RAB30: variants seen among roughly 807,000 people sequenced by gnomAD.
RAB30 encodes ras-related protein Rab-30.
A neutral mutation model predicts 25.1 loss-of-function variants in RAB30; 9 were observed. The observed-to-expected ratio is 0.36, with a 90% CI of 0.22 to 0.63. The LOEUF (loss-of-function observed/expected upper bound fraction) is 0.63, where lower values mean the gene tolerates loss of function less well. Ranked by LOEUF, RAB30 falls within the 20% of genes least tolerant of loss-of-function variation. The probability of loss-of-function intolerance (pLI) is 0.69; values close to 1 mark genes in which losing one functional copy is unlikely to be tolerated. For synonymous variants in RAB30, 77 were observed against 86.4 expected (o/e 0.89, Z 0.60); for missense variants, 140 against 243.5 (o/e 0.58, Z 2.83).
Position 82,976,253 on chromosome 11 carries a change from CTTAA to C in RAB30, c.*5908_*5911del, listed in dbSNP as rs1856544232. The C allele has an allele frequency of 6.6e-6, 1 of 152,216 alleles. No homozygotes were observed. Among genetic ancestry groups the C allele is most frequent in the African/African-American group, 2.4e-5 (1 of 41,464 alleles). 9.4% of individuals were successfully genotyped at this position (152,216 alleles called of 1,614,324 possible). On this transcript the variant is annotated 3_prime_UTR_variant, in exon 5 of 5. Transcript: ENST00000527633. ...GGCATCAGACCATTCAAAGTCTGCT[CTTAA>C]TTAAAGTGAAAAAGAACTAATATTT...
rs1056316235 is a variant in RAB30, at chr11:82,978,342, A to G, written c.*3823T>C. 3 of 152,332 alleles carry G rather than the reference A, an allele frequency of 2.0e-5. No homozygotes were observed. Among genetic ancestry groups the G allele is most frequent in the Admixed American group, 2.0e-4 (3 of 15,294 alleles). The allele number at this position is 152,332 out of a possible 1,614,324, so 9.4% of individuals were successfully genotyped here. A position where few individuals can be genotyped will look rare whatever the true frequency, so the allele number is the denominator to read the frequency against. On this transcript the variant is annotated 3_prime_UTR_variant, in exon 5 of 5. Coordinates refer to ENST00000527633, the MANE Select transcript of RAB30 (RefSeq NM_001286060.2). Reference sequence around the variant, plus strand: ...TCTACAAGATTAAGAAATAAAAAAGACATTAGATTTTTGCCCTAAATGACA... The same window carrying G: ...TCTACAAGATTAAGAAATAAAAAAGGCATTAGATTTTTGCCCTAAATGACA...
chr11:83,020,197 G>A (rs1037275511), intron 1 of RAB30, among the ~76,000 whole-genome samples: 1 of 152,236 alleles, frequency 6.6e-6, no homozygotes, highest in Non-Finnish European at 1.5e-5. Flanking sequence ...AACCACGGCT[G>A]CAGACCCAGG....
In RAB30 at chr11:83,054,976, A is replaced by T. The variant is rs1313161298; in HGVS notation, c.-9+16715T>A. 2.0e-5 allele frequency among the ~76,000 whole-genome samples: 3 copies of T among 152,370 alleles called. No homozygotes were observed. In the East Asian group the frequency reaches 5.8e-4, roughly 29 times the overall value. On this transcript the variant is annotated intron_variant, in intron 1 of 4. Transcript: ENST00000527633. ...GGCGGCCAGGTGCCATTTTGACTGT[A>T]GTTCAAAAGCAGACATCACCTGGCA...
At chr11:83,051,974 A>C (rs1286054532) in intron 1 of RAB30, among the ~76,000 whole-genome samples, 1 of 152,226 alleles carries the variant, frequency 6.6e-6, no homozygotes, top group Non-Finnish European at 1.5e-5. Flanking sequence ...AATATTCAAC[A>C]ATCACCAAAG....
chr11:83,008,025 G>A (rs1857222785), intron 1 of RAB30, among the ~76,000 whole-genome samples: 1 of 152,200 alleles, frequency 6.6e-6, no homozygotes, highest in Non-Finnish European at 1.5e-5. Flanking sequence ...CTTCCCCCTT[G>A]TATTCTCTAA....
chr11:83,057,710 T>C (rs190839229), intron 1 of RAB30, among the ~76,000 whole-genome samples: 5 of 152,316 alleles, frequency 3.3e-5, no homozygotes, highest in Admixed American at 3.3e-4. Context: ...TTTAACACTA[T>C]ACTGAGATGA....
chr11:82,994,289 T>C (rs1856915316), intron 2 of RAB30, among the ~76,000 whole-genome samples, 167 bp from the exon 3 acceptor site: 1 of 151,974 alleles, frequency 6.6e-6, no homozygotes. Flanking sequence ...CAACTCTGTA[T>C]GTATGTCTTG....
intron 1 of RAB30, among the ~76,000 whole-genome samples, chr11:82,998,969 G>A (rs1268110565): frequency 6.6e-5 from 10 of 152,162 alleles, no homozygotes; most frequent in Admixed American, 6.5e-4. Context: ...GTAGCCAGGG[G>A]AGTAAATTCC....
At chr11:83,028,247 A>G (rs1261578259) in intron 1 of RAB30, among the ~76,000 whole-genome samples, 1 of 152,220 alleles carries the variant, frequency 6.6e-6, no homozygotes, top group Non-Finnish European at 1.5e-5. Flanking sequence ...TAAATCTTCA[A>G]TAAAAGGATT....
intron 1 of RAB30, among the ~76,000 whole-genome samples, chr11:83,040,019 AAT>A (rs1858072205): frequency 6.6e-6 from 1 of 152,178 alleles, no homozygotes; most frequent in African/African-American, 2.4e-5. Flanking sequence ...CAAGACTGTT[AAT>A]AAGAGTATAA....
chr11:83,058,217 G>C (rs1858495094), intron 1 of RAB30, among the ~76,000 whole-genome samples: 1 of 152,060 alleles, frequency 6.6e-6, no homozygotes, highest in African/African-American at 2.4e-5. Context: ...AGAAAACAAG[G>C]ACAGTCCTTG....
chr11:83,011,256 C>T (rs1194807611), intron 1 of RAB30, among the ~76,000 whole-genome samples: 4 of 152,180 alleles, frequency 2.6e-5, no homozygotes, highest in Non-Finnish European at 5.9e-5. Flanking sequence ...GTTTCTTTTT[C>T]CCATGTACTG....
intron 1 of RAB30, among the ~76,000 whole-genome samples, chr11:83,040,126 C>T (rs965428827): frequency 2.6e-5 from 4 of 152,164 alleles, no homozygotes; most frequent in African/African-American, 9.7e-5. Context: ...GACTCCAGCA[C>T]GTCAAGAGGG....
At chr11:83,052,621 A>G (rs1234842906) in intron 1 of RAB30, among the ~76,000 whole-genome samples, 4 of 152,228 alleles carry the variant, frequency 2.6e-5, no homozygotes, top group Non-Finnish European at 4.4e-5. Flanking sequence ...CTGTGCCCAC[A>G]GGGGAACACG....
chr11:83,031,828 G>A (rs1462633952), intron 1 of RAB30, among the ~76,000 whole-genome samples: 2 of 151,992 alleles, frequency 1.3e-5, no homozygotes, highest in Non-Finnish European at 2.9e-5. Context: ...GGCCTGGCCT[G>A]CATATTCTCT....
At chr11:83,007,404 C>CA in intron 1 of RAB30, among the ~76,000 whole-genome samples, 1 of 152,136 alleles carries the variant, frequency 6.6e-6, no homozygotes, top group Non-Finnish European at 1.5e-5. Context: ...ATACTATTTT[C>CA]AAAAATCAAG....
At position 83,014,634 on chromosome 11, in the gene RAB30, A is replaced by AAAAGAAAGAAAGAAAGAAAG. The variant is rs58927757; in HGVS notation, c.-8-17330_-8-17311dup. Among the ~76,000 whole-genome samples, 300 of 112,696 alleles carry AAAAGAAAGAAAGAAAGAAAG rather than the reference A, an allele frequency of 2.7e-3. 3 individuals are homozygous for AAAAGAAAGAAAGAAAGAAAG. Among genetic ancestry groups the AAAAGAAAGAAAGAAAGAAAG allele is most frequent in the East Asian group, 0.012 (46 of 3,842 alleles). The allele number at this position is 112,696 out of a possible 152,430, so 73.9% of individuals were successfully genotyped here. ...GAGACAAAGAAAGAAAGAAGTAAGA[A>AAAAGAAAGAAAGAAAGAAAG]AAAGAAAGAAAGAAAGAAAGAAAGA... On this transcript the variant is annotated intron_variant, in intron 1 of 4. Transcript: ENST00000527633.
chr11:82,983,322 A>G (rs1205276763), intron 4 of RAB30, among the ~76,000 whole-genome samples: 4 of 152,258 alleles, frequency 2.6e-5, no homozygotes, highest in African/African-American at 7.2e-5. Flanking sequence ...TTATATAATT[A>G]TACAATTAAT....
intron 1 of RAB30, among the ~76,000 whole-genome samples, chr11:83,020,091 C>T (rs1857534004): frequency 6.6e-6 from 1 of 152,222 alleles, no homozygotes; most frequent in African/African-American, 2.4e-5. Flanking sequence ...ACCCAGGTGC[C>T]ACTGCAGCTA....
Sources: gnomAD v4.1 joint callset for allele counts (sites outside exome capture counted in the v4.1 genomes callset) on GRCh38, gnomAD v4.1.1 for gene constraint, MANE v1.5 for transcripts, NCBI Gene and HGNC (gene_info 2026-07-23, HGNC 2026-07-21) for gene names.